The following SYTL2 variants were observed in gnomAD, a reference collection of about 807,000 sequenced individuals.
The protein encoded by SYTL2 is synaptotagmin-like protein 2.
A neutral mutation model predicts 198.7 loss-of-function variants in SYTL2; 165 were observed. The observed-to-expected ratio is 0.83, with a 90% confidence interval of 0.73 to 0.94. SYTL2 has a LOEUF of 0.94. SYTL2 is among the 40% of genes least tolerant of loss of function. The pLI is 0.00. For missense variants in SYTL2, 2,835 were observed against 2,582.8 expected (o/e 1.10, Z -2.12); for synonymous variants, 966 against 917.7 (o/e 1.05, Z -0.95).
At chr11:85,756,625 G>A (rs1034263113) in intron 2 of SYTL2, among the ~76,000 whole-genome samples, 1 of 152,106 alleles carries the variant, frequency 6.6e-6, no homozygotes, top group Non-Finnish European at 1.5e-5. Context: ...AAGAGTATGT[G>A]AGCTCATAAA....
chr11:85,701,528 A>G (rs1405771324), intron 16 of SYTL2, among the ~76,000 whole-genome samples: 1 of 152,166 alleles, frequency 6.6e-6, no homozygotes, highest in East Asian at 1.9e-4. Flanking sequence ...TTAGAGCTTT[A>G]TTTTCAAAAT....
At chr11:85,703,879 A>C (rs1355882158) in intron 16 of SYTL2, among the ~76,000 whole-genome samples, 1 of 152,146 alleles carries the variant, frequency 6.6e-6, no homozygotes, top group Non-Finnish European at 1.5e-5. Flanking sequence ...TTTATATTAC[A>C]GTTTGAATTC....
At chr11:85,801,565 A>C (rs754787955) in intron 1 of SYTL2, among the ~76,000 whole-genome samples, 2 of 152,222 alleles carry the variant, frequency 1.3e-5, no homozygotes, top group African/African-American at 4.8e-5. Context: ...CTCTGTACAC[A>C]CAAGTGCAAA....
the SYTL2 span, among the ~76,000 whole-genome samples, chr11:85,825,331 T>C: frequency 7.2e-6 from 1 of 138,148 alleles, no homozygotes; most frequent in African/African-American, 2.7e-5. Context: ...GAGCTTGCAG[T>C]GAGCCGAGAT....
At position 85,709,449 on chromosome 11, in the gene SYTL2, C is replaced by T. The variant is rs1469498012; in HGVS notation, c.5797G>A (p.Val1933Ile). 1 of 1,613,966 alleles carries T rather than the reference C, an allele frequency of 6.2e-7. No individual in the cohort carries two copies. The highest frequency in any genetic ancestry group is 2.2e-5 in the East Asian group (1 of 44,886). Reference sequence around the variant, plus strand: ...ATTGCAAACTGAATATTTCCTTTAACTTCCAGATTGCCAAAGTCTCCACTA... The same window carrying T: ...ATTGCAAACTGAATATTTCCTTTAATTTCCAGATTGCCAAAGTCTCCACTA... ...VYSGDFGNLE[V>I]KGNIQFAIEY... The change falls in exon 14 of 20, where the codon GTT becomes ATT. Residue 1933 changes from valine to isoleucine, a missense_variant. By Grantham distance (29) the Val-to-Ile change is conservative. Around this residue, in one of 3 missense-constraint regions of SYTL2, gnomAD observed 2,645 missense variants for 2,381.7 expected, o/e 1.11. Coordinates refer to ENST00000359152, the MANE Select transcript of SYTL2 (RefSeq NM_206927.4).
intron 1 of SYTL2, among the ~76,000 whole-genome samples, chr11:85,782,867 A>T (rs947640531): frequency 6.6e-6 from 1 of 152,236 alleles, no homozygotes; most frequent in Admixed American, 6.5e-5. Flanking sequence ...GACCACCTCA[A>T]TCTGGACTTC....
chr11:85,820,265 GAAC>G, the SYTL2 span, among the ~76,000 whole-genome samples: 209 of 152,216 alleles, frequency 1.4e-3, no homozygotes, highest in African/African-American at 4.9e-3. Context: ...AAAATAATTT[GAAC>G]AACGATTTAA....
chr11:85,716,611 A>G (rs1189967754), intron 11 of SYTL2: 1 of 151,742 alleles, frequency 6.6e-6, no homozygotes, highest in Admixed American at 6.6e-5. Context: ...TGTGGCCCTG[A>G]GGGTAGACAT....
In SYTL2 at chr11:85,726,118, C is replaced by CTAT; in HGVS notation, c.3239_3240insATA (p.Gln1080_Leu1081insTer). The CTAT allele has an allele frequency of 2.5e-6, 4 of 1,614,066 alleles. No homozygotes were observed. The highest frequency in any genetic ancestry group is 3.4e-6 in the Non-Finnish European group (4 of 1,179,990). On this transcript the variant is annotated stop_gained and inframe_insertion, in exon 8 of 20. Transcript: ENST00000359152. LOFTEE classifies it high-confidence loss of function. Reference sequence around the variant, plus strand: ...CCTTTGATGACTCATTTCCTGGCAACTGATAAGTATACTTTCTAAGTGGAC... The same window carrying CTAT: ...CCTTTGATGACTCATTTCCTGGCAACTATTGATAAGTATACTTTCTAAGTGGAC...
chr11:85,797,339 C>A (rs1041306379), intron 1 of SYTL2, among the ~76,000 whole-genome samples: 2 of 151,932 alleles, frequency 1.3e-5, no homozygotes, highest in African/African-American at 4.8e-5. Flanking sequence ...AAATGTTAGT[C>A]TTTTTTGGCC....
intron 1 of SYTL2, among the ~76,000 whole-genome samples, chr11:85,806,395 C>T (rs2092959381): frequency 6.6e-6 from 1 of 152,196 alleles, no homozygotes; most frequent in Non-Finnish European, 1.5e-5. Context: ...CCCAAATGGG[C>T]ACTAGGCAAA....
chr11:85,799,260 T>C (rs890961387), intron 1 of SYTL2, among the ~76,000 whole-genome samples: 2 of 152,122 alleles, frequency 1.3e-5, no homozygotes, highest in African/African-American at 4.8e-5. Context: ...CCCAGCGCTC[T>C]AAGAACTTTT....
chr11:85,725,165 G>A lies in SYTL2; in HGVS notation c.4193C>T (p.Pro1398Leu). The change falls in exon 8 of 20, where the codon CCA becomes CTA. Residue 1398 changes from proline to leucine, a missense_variant. Pro to Leu is a moderately conservative substitution (Grantham distance 98). Transcript: ENST00000359152. Reference protein sequence around the residue: ...GREVGPGEVNPEFPEAVQPVC... With the variant: ...GREVGPGEVNLEFPEAVQPVC... ...TGGCTGTACTGCTTCAGGAAATTCTGGGTTCACTTCTCCAGGACCTACTTC... is the reference window on the plus strand; with the variant it reads ...TGGCTGTACTGCTTCAGGAAATTCTAGGTTCACTTCTCCAGGACCTACTTC... 1.2e-6 allele frequency: 2 copies of A among 1,614,034 alleles called. No individual in the cohort carries two copies. Among genetic ancestry groups the A allele is most frequent in the South Asian group, 1.1e-5 (1 of 91,070 alleles).
intron 14 of SYTL2, chr11:85,708,124 G>C (rs756862488): frequency 4.4e-5 from 19 of 434,940 alleles, no homozygotes; most frequent in South Asian, 3.1e-4. Flanking sequence ...GATCGTGCCA[G>C]CCTGGGCAAC....
intron 12 of SYTL2, among the ~76,000 whole-genome samples, chr11:85,712,635 C>T (rs1328038287): frequency 2.0e-5 from 3 of 151,776 alleles, no homozygotes; most frequent in Non-Finnish European, 4.4e-5. Context: ...CAGGTTAAAA[C>T]TGAAGGAAGG....
At chr11:85,841,211 C>T in the SYTL2 span, among the ~76,000 whole-genome samples, 1 of 152,168 alleles carries the variant, frequency 6.6e-6, no homozygotes, top group African/African-American at 2.4e-5. Flanking sequence ...AATGATTATA[C>T]AAGGTTGGTG....
intron 11 of SYTL2, 106 bp from the exon 12 acceptor site, chr11:85,714,613 T>C (rs2086859646): frequency 6.8e-7 from 1 of 1,475,612 alleles, no homozygotes; most frequent in East Asian, 2.5e-5. Context: ...AAACATGTTT[T>C]TGTAAAAAAG....
chr11:85,786,101 C>T (rs556961147), intron 1 of SYTL2, among the ~76,000 whole-genome samples: 2 of 152,328 alleles, frequency 1.3e-5, no homozygotes, highest in South Asian at 4.1e-4. Flanking sequence ...ATAGACACAA[C>T]TTGGATGAAT....
At chr11:85,759,130 CA>C (rs2092009874) in intron 1 of SYTL2, among the ~76,000 whole-genome samples, 1 of 151,608 alleles carries the variant, frequency 6.6e-6, no homozygotes, top group South Asian at 2.1e-4. Flanking sequence ...CCTGTAATCC[CA>C]GCTACTCAGG....
Sources: allele counts gnomAD v4.1 joint callset (sites outside exome capture counted in the v4.1 genomes callset), GRCh38; gene constraint gnomAD v4.1.1; regional missense constraint gnomAD v4.1.1; transcripts MANE v1.5; gene names NCBI Gene and HGNC (gene_info 2026-07-23, HGNC 2026-07-21).